The following SLC71A2 variants were observed in gnomAD, a reference collection of about 807,000 sequenced individuals.
SLC71A2 encodes the protein solute carrier family 71 member 2, also known as hippocampus abundant transcript-like 1.
chr9:94,436,407 GAC>G, the SLC71A2 span, among the ~76,000 whole-genome samples: 1 of 152,208 alleles, frequency 6.6e-6, no homozygotes, highest in Admixed American at 6.5e-5. Context: ...ACTACATTGA[GAC>G]ACCTTACTAA....
the SLC71A2 span, among the ~76,000 whole-genome samples, chr9:94,378,703 T>A: frequency 2.0e-5 from 3 of 152,046 alleles, no homozygotes; most frequent in African/African-American, 7.3e-5. Flanking sequence ...TGAGAAGAGA[T>A]CAGCCCCCAT....
At chr9:94,453,955 C>T in the SLC71A2 span, 3 of 1,599,524 alleles carry the variant, frequency 1.9e-6, no homozygotes, top group Non-Finnish European at 1.7e-6. Context: ...CTTTACTTTG[C>T]AGACGGCCTT....
chr9:94,445,464 C>CTTTTTAAACAAAATAAGTGAAAGTGGTCA, the SLC71A2 span, among the ~76,000 whole-genome samples: 1 of 151,996 alleles, frequency 6.6e-6, no homozygotes, highest in East Asian at 1.9e-4. Flanking sequence ...TGTTTTCATC[C>CTTTTTAAACAAAATAAGTGAAAGTGGTCA]TTTTTAAACA....
chr9:94,424,246 G>A, the SLC71A2 span, among the ~76,000 whole-genome samples: 5 of 148,878 alleles, frequency 3.4e-5, no homozygotes, highest in East Asian at 1.9e-4. Context: ...TTTTGGCGGA[G>A]GGGGGAGCAA....
chr9:94,446,346 T>C, the SLC71A2 span, among the ~76,000 whole-genome samples: 1 of 152,222 alleles, frequency 6.6e-6, no homozygotes, highest in Non-Finnish European at 1.5e-5. Flanking sequence ...ACCTTATGGC[T>C]GGAGCGTACT....
At chr9:94,425,813 T>C in the SLC71A2 span, among the ~76,000 whole-genome samples, 8 of 152,220 alleles carry the variant, frequency 5.3e-5, no homozygotes, top group East Asian at 1.5e-3. Flanking sequence ...TTTAAAAAAC[T>C]ATAAACTAAG....
chr9:94,449,456 A>T, the SLC71A2 span, among the ~76,000 whole-genome samples: 1 of 152,360 alleles, frequency 6.6e-6, no homozygotes, highest in Non-Finnish European at 1.5e-5. Context: ...TTTGCAGAGA[A>T]GATCTACAAA....
the SLC71A2 span, among the ~76,000 whole-genome samples, chr9:94,419,856 G>GTTTTTA: frequency 2.6e-5 from 4 of 152,104 alleles, no homozygotes; most frequent in East Asian, 1.9e-4. Flanking sequence ...TCTCTTTTCA[G>GTTTTTA]TTTTTATTTT....
chr9:94,446,853 G>C, the SLC71A2 span: 6 of 1,610,634 alleles, frequency 3.7e-6, no homozygotes, highest in Admixed American at 1.7e-5. Flanking sequence ...AGATTCTACT[G>C]TCTTACTAAT....
At chr9:94,459,465 A>T in the SLC71A2 span, 16 of 1,599,736 alleles carry the variant, frequency 1.0e-5, no homozygotes, top group Admixed American at 2.5e-4. Flanking sequence ...CCATGGAGGG[A>T]GCCACACCCC....
chr9:94,451,447 T>C, the SLC71A2 span: 1 of 1,462,386 alleles, frequency 6.8e-7, no homozygotes, highest in Non-Finnish European at 9.3e-7. Context: ...TTTCATTTCA[T>C]TTCCATAGGT....
the SLC71A2 span, among the ~76,000 whole-genome samples, chr9:94,444,210 A>G: frequency 2.6e-5 from 4 of 152,248 alleles, no homozygotes; most frequent in Admixed American, 1.3e-4. Flanking sequence ...ATTGTGTTCT[A>G]AAATAAAGTG....
At chr9:94,414,220 T>G in the SLC71A2 span, among the ~76,000 whole-genome samples, 7 of 152,170 alleles carry the variant, frequency 4.6e-5, no homozygotes, top group Admixed American at 2.0e-4. Context: ...TGGAATAAGA[T>G]TTGTATTTTT....
At chr9:94,398,091 T>G in the SLC71A2 span, among the ~76,000 whole-genome samples, 1 of 151,824 alleles carries the variant, frequency 6.6e-6, no homozygotes, top group African/African-American at 2.4e-5. Context: ...TTTAATCATT[T>G]TATCAGTATG....
chr9:94,452,608 AG>A, the SLC71A2 span, among the ~76,000 whole-genome samples: 1 of 132,980 alleles, frequency 7.5e-6, no homozygotes, highest in East Asian at 2.0e-4. Flanking sequence ...AAAAAGAGAG[AG>A]GGAGAATATA....
At chr9:94,458,596 T>C in the SLC71A2 span, 2 of 848,206 alleles carry the variant, frequency 2.4e-6, no homozygotes, top group Middle Eastern at 3.3e-4. Flanking sequence ...AAGTATTGTG[T>C]TCATTGCTTC....
the SLC71A2 span, among the ~76,000 whole-genome samples, chr9:94,382,972 G>A: frequency 1.3e-5 from 2 of 152,094 alleles, no homozygotes; most frequent in Non-Finnish European, 2.9e-5. Flanking sequence ...GATTACAGGC[G>A]TGAGTCATTG....
At chr9:94,415,295 A>C in the SLC71A2 span, 1 of 1,393,842 alleles carries the variant, frequency 7.2e-7, no homozygotes, top group Non-Finnish European at 1.0e-6. Flanking sequence ...TAAGAGAAAG[A>C]GATAAGTTCT....
At chr9:94,456,333 G>A in the SLC71A2 span, 1 of 1,613,138 alleles carries the variant, frequency 6.2e-7, no homozygotes, top group East Asian at 2.2e-5. Flanking sequence ...AGTCAGATCA[G>A]CAAGGTGAGG....
Sources: allele counts gnomAD v4.1 joint callset (sites outside exome capture counted in the v4.1 genomes callset), GRCh38; gene constraint gnomAD v4.1.1; transcripts MANE v1.5; gene names NCBI Gene and HGNC (gene_info 2026-07-23, HGNC 2026-07-21).